The following CORO2A variants were observed in gnomAD, a reference collection of about 807,000 sequenced individuals.
The protein encoded by CORO2A is coronin-2A.
CORO2A carries 47 observed loss-of-function variants against 62.4 expected under a neutral mutation model. The ratio of observed to expected loss-of-function variants is 0.75; its 90% CI spans 0.60 to 0.96. The LOEUF (loss-of-function observed/expected upper bound fraction) is 0.96. Ranked by LOEUF, CORO2A falls within the 40% of genes least tolerant of loss-of-function variation. The pLI, the probability that CORO2A is intolerant of heterozygous loss-of-function variation, is 0.00. For synonymous variants in CORO2A, 273 were observed against 268.9 expected (o/e 1.02, Z -0.15); for missense variants, 610 against 684.1 (o/e 0.89, Z 1.21).
intron 1 of CORO2A, among the ~76,000 whole-genome samples, chr9:98,170,624 T>C (rs191317515): frequency 7.9e-4 from 120 of 152,240 alleles, no homozygotes; most frequent in African/African-American, 2.8e-3. Context: ...GTATTTTTAG[T>C]AGAGCAAAGG....
chr9:98,145,415 C>T (rs1827632007), intron 2 of CORO2A, among the ~76,000 whole-genome samples: 1 of 152,146 alleles, frequency 6.6e-6, no homozygotes, highest in African/African-American at 2.4e-5. Flanking sequence ...GACAGAGGAC[C>T]CATTCCTTGA....
intron 2 of CORO2A, chr9:98,157,250 T>C (rs1431040018): frequency 5.6e-6 from 3 of 534,086 alleles, no homozygotes; most frequent in East Asian, 3.1e-5. Flanking sequence ...GTGCTACGAG[T>C]AGCTAAGCCA....
chr9:98,131,129 A>G, intron 6 of CORO2A, 70 bp from the exon 7 acceptor site: 2 of 1,024,286 alleles, frequency 2.0e-6, no homozygotes, highest in Admixed American at 2.1e-5. Context: ...TCCCGGAGAT[A>G]AGAATTGCTG....
intron 1 of CORO2A, among the ~76,000 whole-genome samples, chr9:98,160,881 C>T (rs1480458396): frequency 6.6e-6 from 1 of 151,932 alleles, no homozygotes; most frequent in Admixed American, 6.5e-5. Context: ...ATGTGTGTCA[C>T]TTCCAGGCCA....
At chr9:98,139,234 T>C (rs1827534395) in intron 2 of CORO2A, among the ~76,000 whole-genome samples, 1 of 152,058 alleles carries the variant, frequency 6.6e-6, no homozygotes, top group Non-Finnish European at 1.5e-5. Context: ...TCACAGTATA[T>C]TCACAACCTT....
chr9:98,124,973 A>G lies in CORO2A; in HGVS notation c.1447-68T>C, dbSNP rs112884192. The G allele has an allele frequency of 1.2e-4, 179 of 1,528,240 alleles. No individual in the cohort carries two copies. In the African/African-American group the frequency reaches 2.0e-3, roughly 17 times the overall value. The allele number at this position is 1,528,240 out of a possible 1,614,324, so 94.7% of individuals were successfully genotyped here. ...GACACCAGCTGAAAGCTAAACCACT[A>G]TCCCTCTTTGACTCAGAAAGGTGGA... On this transcript the variant is annotated intron_variant, in intron 11 of 11. Coordinates refer to ENST00000375077, the MANE Select transcript of CORO2A (RefSeq NM_052820.4).
intron 10 of CORO2A, 135 bp downstream of exon 10, chr9:98,128,035 C>T: frequency 1.5e-6 from 1 of 674,216 alleles, no homozygotes; most frequent in Non-Finnish European, 2.6e-6. Flanking sequence ...CCACTGGGGA[C>T]TGAAGGTCAA....
intron 11 of CORO2A, 122 bp downstream of exon 11, chr9:98,126,427 G>T: frequency 7.5e-7 from 1 of 1,324,776 alleles, no homozygotes; most frequent in Non-Finnish European, 1.0e-6. Context: ...CAAGTGACTA[G>T]GCCAGGCCAC....
At chr9:98,127,816 T>TA in intron 10 of CORO2A, among the ~76,000 whole-genome samples, 1 of 39,082 alleles carries the variant, frequency 2.6e-5, no homozygotes, top group African/African-American at 1.3e-4. Flanking sequence ...AGACTCTGTC[T>TA]CAAAAAAAAA....
At chr9:98,167,333 T>C (rs1827975244) in intron 1 of CORO2A, among the ~76,000 whole-genome samples, 1 of 152,082 alleles carries the variant, frequency 6.6e-6, no homozygotes, top group Admixed American at 6.5e-5. Flanking sequence ...TATTGTTTAA[T>C]GGATATAGAG....
chr9:98,163,711 G>GGTGTGTGTGTGTGTGTGTAT, intron 1 of CORO2A, among the ~76,000 whole-genome samples: 1 of 138,880 alleles, frequency 7.2e-6, no homozygotes, highest in African/African-American at 2.9e-5. Context: ...ATACATGCGG[G>GGTGTGTGTGTGTGTGTGTAT]GTGTGTGTGT....
chr9:98,158,066 T>C (rs1827831730), intron 1 of CORO2A, among the ~76,000 whole-genome samples: 1 of 152,204 alleles, frequency 6.6e-6, no homozygotes, highest in South Asian at 2.1e-4. Flanking sequence ...TGGGTTTCAA[T>C]CCCAGCTCTG....
chr9:98,164,956 A>C (rs1827939028), intron 1 of CORO2A, among the ~76,000 whole-genome samples: 1 of 151,650 alleles, frequency 6.6e-6, no homozygotes, highest in Non-Finnish European at 1.5e-5. Flanking sequence ...CACCACCACC[A>C]GGGTCTAGGT....
Position 98,131,060 on chromosome 9 carries a change from C to T in CORO2A, c.766-1G>A. On this transcript the variant is annotated splice_acceptor_variant, in intron 6 of 11. Coordinates refer to ENST00000375077, the MANE Select transcript of CORO2A (RefSeq NM_052820.4). LOFTEE classifies it high-confidence loss of function. ...CCATCAGAGGCACAGAGAGGTTATC[C>T]TGCAGGGGAAGGGGAGGCAGGGAAG... 2 of 1,608,728 alleles carry T rather than the reference C, an allele frequency of 1.2e-6. No individual in the cohort carries two copies. Among genetic ancestry groups the T allele is most frequent in the Non-Finnish European group, 1.7e-6 (2 of 1,177,290 alleles).
chr9:98,157,974 C>G (rs1401262072), intron 1 of CORO2A, among the ~76,000 whole-genome samples: 4 of 152,136 alleles, frequency 2.6e-5, no homozygotes, highest in African/African-American at 4.8e-5. Context: ...CACATTGACC[C>G]CCATCTGCTG....
chr9:98,132,437 G>T (rs990102439), intron 5 of CORO2A, 136 bp from the exon 6 acceptor site: 5 of 660,196 alleles, frequency 7.6e-6, no homozygotes, highest in African/African-American at 5.4e-5. Flanking sequence ...TCTGCCTGGA[G>T]ATTCTTCCCA....
At chr9:98,146,018 C>T (rs1031736950) in intron 2 of CORO2A, among the ~76,000 whole-genome samples, 1 of 152,152 alleles carries the variant, frequency 6.6e-6, no homozygotes, top group African/African-American at 2.4e-5. Context: ...CTAAGGCTGG[C>T]CTTTAAGATC....
chr9:98,170,925 G>C (rs1157286785), intron 1 of CORO2A, among the ~76,000 whole-genome samples: 2 of 152,238 alleles, frequency 1.3e-5, no homozygotes, highest in East Asian at 3.9e-4. Context: ...AAGGGCGACA[G>C]AGCTGTCCAG....
At chr9:98,182,038 G>C (rs1411001043) in intron 1 of CORO2A, among the ~76,000 whole-genome samples, 1 of 151,968 alleles carries the variant, frequency 6.6e-6, no homozygotes, top group African/African-American at 2.4e-5. Context: ...CAGTGACCCC[G>C]GACTCAGCAC....
Sources: allele counts gnomAD v4.1 joint callset (sites outside exome capture counted in the v4.1 genomes callset), GRCh38; gene constraint gnomAD v4.1.1; transcripts MANE v1.5; gene names NCBI Gene and HGNC (gene_info 2026-07-23, HGNC 2026-07-21).